Variants in CCM2 observed in about 807,000 individuals in gnomAD.
CCM2 encodes the protein cerebral cavernous malformations 2 protein.
A neutral mutation model predicts 44.9 loss-of-function variants in CCM2; 25 were observed. That is an observed-to-expected ratio of 0.56 (90% CI 0.41 to 0.78). The LOEUF (loss-of-function observed/expected upper bound fraction) is 0.78. Ranked by LOEUF, CCM2 falls within the 30% of genes least tolerant of loss-of-function variation. CCM2 has a pLI of 0.00. For missense variants in CCM2, 481 were observed against 580.6 expected (o/e 0.83, Z 1.76); for synonymous variants, 219 against 241.1 (o/e 0.91, Z 0.85).
At chr7:45,035,273 T>C (rs978878443) in intron 1 of CCM2, among the ~76,000 whole-genome samples, 1 of 152,156 alleles carries the variant, frequency 6.6e-6, no homozygotes, top group African/African-American at 2.4e-5. Context: ...AATATATTCA[T>C]CATTTTCAAA....
chr7:45,065,350 C>G (rs75933901), intron 4 of CCM2, among the ~76,000 whole-genome samples: 20 of 152,168 alleles, frequency 1.3e-4, no homozygotes, highest in Non-Finnish European at 2.5e-4. Flanking sequence ...TCCTGAGTTT[C>G]GAGGCTGGTG....
At chr7:45,069,719 C>G in intron 5 of CCM2, 107 bp from the exon 6 acceptor site, 7 of 1,413,350 alleles carry the variant, frequency 5.0e-6, no homozygotes, top group Non-Finnish European at 5.9e-6. Flanking sequence ...ATCCACTCTT[C>G]ATTCATGTTT....
At chr7:45,013,330 A>C (rs1796138778) in intron 1 of CCM2, among the ~76,000 whole-genome samples, 1 of 152,046 alleles carries the variant, frequency 6.6e-6, no homozygotes, top group African/African-American at 2.4e-5. Context: ...TGCTTTAAAC[A>C]ATCGACTTTT....
intron 1 of CCM2, among the ~76,000 whole-genome samples, chr7:45,013,286 T>C (rs2128715021): frequency 6.6e-6 from 1 of 152,290 alleles, no homozygotes; most frequent in Middle Eastern, 3.4e-3. Flanking sequence ...TTTCTTTCTA[T>C]ACGTGTTATA....
chr7:45,031,863 C>T (rs1318796414), intron 1 of CCM2, among the ~76,000 whole-genome samples: 7 of 152,104 alleles, frequency 4.6e-5, no homozygotes, highest in African/African-American at 7.2e-5. Context: ...TGAGCCACTG[C>T]GCCCAGCCAT....
At chr7:45,068,699 C>A in intron 5 of CCM2, 120 bp downstream of exon 5, 1 of 1,289,328 alleles carries the variant, frequency 7.8e-7, no homozygotes, top group Non-Finnish European at 1.1e-6. Flanking sequence ...CAGCTACTTC[C>A]TCTGCCATTG....
At chr7:45,053,419 G>A (rs767453163) in intron 2 of CCM2, among the ~76,000 whole-genome samples, 7 of 152,232 alleles carry the variant, frequency 4.6e-5, no homozygotes, top group Non-Finnish European at 8.8e-5. Flanking sequence ...TGCTTATTCC[G>A]TTTTGATTTT....
chr7:45,074,449 G>C (rs757617442), intron 9 of CCM2, 41 bp downstream of exon 9: 1 of 1,546,986 alleles, frequency 6.5e-7, no homozygotes. Context: ...TCCAAACCTG[G>C]CTTGGAGAGG....
At chr7:45,059,633 C>CTAG (rs1190586651) in intron 2 of CCM2, among the ~76,000 whole-genome samples, 9 of 151,936 alleles carry the variant, frequency 5.9e-5, no homozygotes, top group African/African-American at 2.2e-4. Context: ...CGTGTAGTCT[C>CTAG]ATCTACTAGT....
intron 1 of CCM2, among the ~76,000 whole-genome samples, chr7:45,009,092 A>T (rs1014552505): frequency 2.0e-5 from 3 of 152,092 alleles, no homozygotes; most frequent in African/African-American, 7.2e-5. Flanking sequence ...ACCTGAGATC[A>T]GAAGTTCAAG....
chr7:45,042,968 CTTTTTTT>C (rs35874377), intron 2 of CCM2, among the ~76,000 whole-genome samples: 1 of 134,630 alleles, frequency 7.4e-6, no homozygotes, highest in East Asian at 2.1e-4. Flanking sequence ...TCTTCTTCTT[CTTTTTTT>C]TTTTTTTTTT....
At chr7:45,052,547 C>T (rs76248882) in intron 2 of CCM2, among the ~76,000 whole-genome samples, 1,705 of 152,298 alleles carry the variant, frequency 0.011, 28 homozygotes, top group African/African-American at 0.038. Context: ...GCAGTAAGAA[C>T]GTGAACATGT....
chr7:45,032,709 T>C (rs1299129472), intron 1 of CCM2, among the ~76,000 whole-genome samples: 3 of 152,084 alleles, frequency 2.0e-5, no homozygotes, highest in Non-Finnish European at 4.4e-5. Flanking sequence ...CGTTTATTGC[T>C]GTCCAGTCTG....
At chr7:45,013,324 T>G (rs568847183) in intron 1 of CCM2, among the ~76,000 whole-genome samples, 1 of 152,318 alleles carries the variant, frequency 6.6e-6, no homozygotes, top group African/African-American at 2.4e-5. Context: ...TTTTTTTGCT[T>G]TAAACAATCG....
At position 45,068,439 on chromosome 7, in the gene CCM2, T is replaced by C; in HGVS notation, c.473-4T>C. The C allele has an allele frequency of 6.2e-7, 1 of 1,614,100 alleles. No individual in the cohort carries two copies. The highest frequency in any genetic ancestry group is 1.1e-5 in the South Asian group (1 of 91,074). ...GCTAAACTGAGATGGTGTTGACTTC[T>C]CAGCCCAGGACCCAGGGATCTCCCC... On this transcript the variant is annotated splice_polypyrimidine_tract_variant and splice_region_variant and intron_variant, in intron 4 of 9. Transcript: ENST00000258781.
chr7:45,053,650 C>T (rs187523263), intron 2 of CCM2, among the ~76,000 whole-genome samples: 9 of 152,270 alleles, frequency 5.9e-5, no homozygotes, highest in Admixed American at 3.3e-4. Flanking sequence ...CTTATTACCC[C>T]CTTGCTCCTG....
intron 4 of CCM2, 37 bp from the exon 5 acceptor site, chr7:45,068,406 T>C (rs1798889272): frequency 6.2e-7 from 1 of 1,613,640 alleles, no homozygotes; most frequent in Non-Finnish European, 8.5e-7. Context: ...TGCCTGCCCT[T>C]CCACTGTGCT....
At chr7:45,008,395 G>A (rs1203727084) in intron 1 of CCM2, among the ~76,000 whole-genome samples, 1 of 98,164 alleles carries the variant, frequency 1.0e-5, no homozygotes, top group Admixed American at 1.3e-4. Context: ...AGACAGTTTT[G>A]CTCTTGCCCA....
intron 2 of CCM2, among the ~76,000 whole-genome samples, chr7:45,053,071 T>C (rs1315589850): frequency 6.6e-6 from 1 of 152,234 alleles, no homozygotes; most frequent in Non-Finnish European, 1.5e-5. Flanking sequence ...TGGACCTGGC[T>C]GGGCTTCATG....
Sources: allele counts gnomAD v4.1 joint callset (sites outside exome capture counted in the v4.1 genomes callset), GRCh38; gene constraint gnomAD v4.1.1; transcripts MANE v1.5; gene names NCBI Gene and HGNC (gene_info 2026-07-23, HGNC 2026-07-21).